GREP1: variants seen among roughly 807,000 people sequenced by gnomAD.
GREP1 encodes the protein glycine-rich extracellular protein 1.
Position 2,992,549 on chromosome 16 carries a change from C to A in GREP1, c.323-256C>A. 2.9e-6 allele frequency: 1 copy of A among 344,522 alleles called. No individual in the cohort carries two copies. Among genetic ancestry groups the A allele is most frequent in the Non-Finnish European group, 5.2e-6 (1 of 191,722 alleles). The allele number at this position is 344,522 out of a possible 1,614,324, so 21.3% of individuals were successfully genotyped here. On this transcript the variant is annotated intron_variant, in intron 8 of 34. Transcript: ENST00000573315. The surrounding 1 kb of genome is among the most constrained non-coding windows in gnomAD (Gnocchi z 4.9). ...GGTTCATTCATTCACCCAATCTCCC[C>A]TGAGCACCCGTCCCAAGCCAGGCCT...
chr16:2,999,797 G>A (rs894520500), intron 27 of GREP1, 105 bp from the exon 25 acceptor site: 5 of 398,472 alleles, frequency 1.3e-5, no homozygotes, highest in African/African-American at 1.0e-4. Context: ...CCTGTGGACA[G>A]GAAAAGTCTC....
At position 2,990,602 on chromosome 16, in the gene GREP1, A is replaced by C; in HGVS notation, c.268+15A>C. The C allele has an allele frequency of 2.5e-6, 1 of 398,912 alleles. No individual in the cohort carries two copies. Among genetic ancestry groups the C allele is most frequent in the Non-Finnish European group, 4.4e-6 (1 of 226,070 alleles). 24.7% of individuals were successfully genotyped at this position (398,912 alleles called of 1,614,324 possible). ...AGCCCAGCCAGGTGAGGCTGGGGGA[A>C]GCGGGTAAGGAATGGGAGGGGCTTG... is the stretch of plus-strand genomic sequence containing the variant. On this transcript the variant is annotated intron_variant, in intron 7 of 34. Coordinates refer to ENST00000573315, the Ensembl canonical transcript of GREP1.
intron 27 of GREP1, chr16:2,999,377 C>G (rs1016907423): frequency 2.5e-6 from 1 of 398,694 alleles, no homozygotes. Context: ...TGTCTCCACC[C>G]CAGATCAGGG....
intron 10 of GREP1, chr16:2,993,515 A>C (rs2072409194): frequency 6.6e-6 from 1 of 152,044 alleles, no homozygotes; most frequent in South Asian, 2.1e-4. Context: ...AAAAAAAAAA[A>C]ACCTAGCCAG....
chr16:3,000,664 G>T (rs2072456260), intron 32 of GREP1, 50 bp from the exon 27 acceptor site: 1 of 398,762 alleles, frequency 2.5e-6, no homozygotes, highest in Non-Finnish European at 4.4e-6. Flanking sequence ...GGGGCCAGGG[G>T]TCCCAGCTCC....
exon 35 of GREP1, chr16:3,001,835 A>G (rs912237311): frequency 2.0e-5 from 8 of 392,102 alleles, no homozygotes; most frequent in Non-Finnish European, 3.1e-5. Context: ...TGTTCCCAAC[A>G]GGAGAAATCA....
intron 15 of GREP1, 149 bp downstream of exon 15, chr16:2,995,465 C>T: frequency 2.5e-6 from 1 of 398,926 alleles, no homozygotes; most frequent in Non-Finnish European, 4.4e-6. Context: ...TGGGGTTCTA[C>T]CCCTGGGGCG....
chr16:2,997,499 G>C (rs1245728189), intron 22 of GREP1: 2 of 398,528 alleles, frequency 5.0e-6, no homozygotes, highest in Non-Finnish European at 8.8e-6. Flanking sequence ...CCTGTACTGA[G>C]GGTTTTCTTG....
At chr16:3,001,659 G>A (rs1011798413) in exon 35 of GREP1, 16 of 398,996 alleles carry the variant, frequency 4.0e-5, no homozygotes, top group Admixed American at 2.6e-4. Context: ...CTGCCTGGCC[G>A]GGGGTCTCCT....
rs1055270960 is a variant in GREP1, at chr16:2,989,942, G to A, written c.131-32G>A. 1.1e-4 allele frequency: 45 copies of A among 398,842 alleles called. No homozygotes were observed. The highest frequency in any genetic ancestry group is 8.4e-4 in the African/African-American group (41 of 48,578). 24.7% of individuals were successfully genotyped at this position (398,842 alleles called of 1,614,324 possible). On this transcript the variant is annotated intron_variant, in intron 3 of 34. Coordinates refer to ENST00000573315, the Ensembl canonical transcript of GREP1. The surrounding 1 kb of genome is among the most constrained non-coding windows in gnomAD (Gnocchi z 4.2). ...GTGGGGCTCTGGGGAGATCCTGGGG[G>A]AGGGGTGTCCCTCACCTCCCTGTCT...
In GREP1 at chr16:2,991,117, G is replaced by A; in HGVS notation, c.322+16G>A. 2.5e-6 allele frequency: 1 copy of A among 399,338 alleles called. No homozygotes were observed. The highest frequency in any genetic ancestry group is 4.4e-6 in the Non-Finnish European group (1 of 226,362). 24.7% of individuals were successfully genotyped at this position (399,338 alleles called of 1,614,324 possible). A position where few individuals can be genotyped will look rare whatever the true frequency, so the allele number is the denominator to read the frequency against. On this transcript the variant is annotated intron_variant, in intron 8 of 34. Coordinates refer to ENST00000573315, the Ensembl canonical transcript of GREP1. The surrounding 1 kb of genome is among the most constrained non-coding windows in gnomAD (Gnocchi z 4.9). The stretch of plus-strand genomic sequence containing the variant: ...GCCCAGTCAGGTGAGGAAACGTCGG[G>A]TGTGGCAGGACCTGGGCTTCCAGGA...
intron 18 of GREP1, chr16:2,996,014 C>A (rs1234541126): frequency 2.6e-6 from 1 of 391,678 alleles, no homozygotes; most frequent in Non-Finnish European, 4.5e-6. Context: ...TTCACTGCAA[C>A]CTCCACCTCC....
intron 29 of GREP1, 60 bp downstream of exon 26, chr16:3,000,178 G>T: frequency 2.5e-6 from 1 of 399,282 alleles, no homozygotes; most frequent in South Asian, 1.3e-4. Flanking sequence ...CCTCATGCCT[G>T]AGTCAGTCTG....
At position 2,989,396 on chromosome 16, in the gene GREP1, C is replaced by T. The variant is rs1429087061; in HGVS notation, c.101-127C>T. ...AAGTTCCCCTGCTTCCCCCTGAACCCCACAGGCTTAGGGAGCCCAAATGGC... is the reference window on the plus strand; with the variant it reads ...AAGTTCCCCTGCTTCCCCCTGAACCTCACAGGCTTAGGGAGCCCAAATGGC... On this transcript the variant is annotated intron_variant, in intron 2 of 34. Coordinates refer to ENST00000573315, the Ensembl canonical transcript of GREP1. This position sits in a 1 kb window ranked among gnomAD's most constrained non-coding sequence, Gnocchi z 4.2. The T allele has an allele frequency of 2.8e-5, 11 of 398,498 alleles. No homozygotes were observed. The highest frequency in any genetic ancestry group is 2.1e-4 in the African/African-American group (10 of 48,624). The allele number at this position is 398,498 out of a possible 1,614,324, so 24.7% of individuals were successfully genotyped here. A position where few individuals can be genotyped will look rare whatever the true frequency, so the allele number is the denominator to read the frequency against.
chr16:2,996,644 G>C (rs2072426556), intron 19 of GREP1, 29 bp from the exon 19 acceptor site: 1 of 398,982 alleles, frequency 2.5e-6, no homozygotes, highest in South Asian at 1.3e-4. Flanking sequence ...ACTGGCTGGA[G>C]TTGATGTCAG....
chr16:2,990,043 CTCTT>C (rs528633548), intron 4 of GREP1, 37 bp downstream of exon 4: 55 of 399,682 alleles, frequency 1.4e-4, no homozygotes, highest in African/African-American at 1.0e-3. Context: ...TTGTCTCCCC[CTCTT>C]TCTCTCACAC....
At position 2,989,597 on chromosome 16, in the gene GREP1, G is replaced by C. The variant is rs555562385; in HGVS notation, c.130+45G>C. ...AGGGAGGCGTCTGAGGGCAGGGCAC[G>C]GGGCAGGGGGGAGGCAGGACAGGAA... On this transcript the variant is annotated intron_variant, in intron 3 of 34. Transcript: ENST00000573315. This position sits in a 1 kb window ranked among gnomAD's most constrained non-coding sequence, Gnocchi z 4.2. 2 of 400,160 alleles carry C rather than the reference G, an allele frequency of 5.0e-6. No individual in the cohort carries two copies. The highest frequency in any genetic ancestry group is 7.1e-5 in the East Asian group (2 of 28,100). The allele number at this position is 400,160 out of a possible 1,614,324, so 24.8% of individuals were successfully genotyped here. A position where few individuals can be genotyped will look rare whatever the true frequency, so the allele number is the denominator to read the frequency against.
exon 34 of GREP1, chr16:3,001,288 C>T (rs1417244705): frequency 1.0e-5 from 4 of 398,956 alleles, no homozygotes; most frequent in African/African-American, 2.1e-5. Flanking sequence ...CAGGGGGCCC[C>T]GACGTGAAGA....
Position 2,995,774 on chromosome 16 carries a change from G to A in GREP1, c.622+3G>A. 1 of 398,726 alleles carries A rather than the reference G, an allele frequency of 2.5e-6. No homozygotes were observed. The allele number at this position is 398,726 out of a possible 1,614,324, so 24.7% of individuals were successfully genotyped here. A position where few individuals can be genotyped will look rare whatever the true frequency, so the allele number is the denominator to read the frequency against. ...GAATGTGAAGCCTCTGAAGCCAGGT[G>A]AGCCCCGCCCGCCCTGGTCTGCCTC... On this transcript the variant is annotated splice_donor_region_variant and intron_variant, in intron 17 of 34. Transcript: ENST00000573315.
Sources: gnomAD v4.1 joint callset for allele counts on GRCh38, gnomAD v4.1.1 for gene constraint, Gnocchi (gnomAD v3.1) non-coding constraint, MANE v1.5 for transcripts, NCBI Gene and HGNC (gene_info 2026-07-23, HGNC 2026-07-21) for gene names.